Variants in MEIS2 observed in about 807,000 individuals in gnomAD.
MEIS2 encodes the protein homeobox protein Meis2.
In MEIS2, 9 loss-of-function variants were observed where a neutral mutation model predicts 58.6. That is an observed-to-expected ratio of 0.15 (90% CI 0.09 to 0.27). The LOEUF (loss-of-function observed/expected upper bound fraction) is 0.27. Among genes scored for constraint, MEIS2 ranks in the 10% least tolerant of loss-of-function variants. The probability of loss-of-function intolerance (pLI) is 1.00; values close to 1 mark genes in which losing one functional copy is unlikely to be tolerated. For missense variants in MEIS2, 427 were observed against 635.0 expected, an observed-to-expected ratio of 0.67 and a Z score of 3.52; for synonymous variants, 221 against 228.4, an observed-to-expected ratio of 0.97 and a Z score of 0.29.
intron 8 of MEIS2, among the ~76,000 whole-genome samples, chr15:37,023,302 A>G (rs539594417): frequency 1.3e-5 from 2 of 152,050 alleles, no homozygotes; most frequent in Non-Finnish European, 2.9e-5. Flanking sequence ...AAAATTAGTA[A>G]ATTTCTTTCT....
At chr15:36,953,527 A>T (rs2058838610) in intron 8 of MEIS2, among the ~76,000 whole-genome samples, 1 of 152,194 alleles carries the variant, frequency 6.6e-6, no homozygotes, top group Non-Finnish European at 1.5e-5. Context: ...AGGTGGCTCA[A>T]CTTACTCATA....
chr15:37,031,731 G>T (rs1445069527), intron 8 of MEIS2, among the ~76,000 whole-genome samples: 1 of 151,740 alleles, frequency 6.6e-6, no homozygotes, highest in Non-Finnish European at 1.5e-5. Flanking sequence ...ATGAAGAGGG[G>T]ACAAAGCATT....
intron 7 of MEIS2, among the ~76,000 whole-genome samples, chr15:37,054,557 C>A (rs1172786731): frequency 6.6e-6 from 1 of 152,202 alleles, no homozygotes; most frequent in South Asian, 2.1e-4. Context: ...GCTGGGACTA[C>A]AGGCATGTGC....
chr15:37,002,835 C>T (rs2060781766), intron 8 of MEIS2, among the ~76,000 whole-genome samples: 1 of 152,060 alleles, frequency 6.6e-6, no homozygotes, highest in African/African-American at 2.4e-5. Context: ...GGAGTGAAAA[C>T]TAAAGTTTTT....
chr15:36,930,003 G>C (rs2057907774), intron 9 of MEIS2, among the ~76,000 whole-genome samples: 4 of 151,966 alleles, frequency 2.6e-5, no homozygotes, highest in Admixed American at 6.6e-5. Context: ...AGGAGTTCGA[G>C]ACCAGCCTGG....
At chr15:37,060,531 A>G (rs1444106590) in intron 7 of MEIS2, among the ~76,000 whole-genome samples, 5 of 152,154 alleles carry the variant, frequency 3.3e-5, no homozygotes, top group Admixed American at 2.6e-4. Flanking sequence ...GTAACCCCTG[A>G]ACGTGTGCTC....
At chr15:37,039,584 G>A (rs762336299) in intron 7 of MEIS2, among the ~76,000 whole-genome samples, 2 of 152,158 alleles carry the variant, frequency 1.3e-5, no homozygotes, top group Non-Finnish European at 2.9e-5. Context: ...AAGAGGGCTG[G>A]TAACACCTTC....
intron 5 of MEIS2, 24 bp downstream of exon 5, chr15:37,094,503 C>T: frequency 2.5e-6 from 4 of 1,609,638 alleles, no homozygotes; most frequent in Non-Finnish European, 3.4e-6. Flanking sequence ...TTAATCAACA[C>T]GGGGAGCGTT....
intron 8 of MEIS2, among the ~76,000 whole-genome samples, chr15:36,963,318 TGCAGTGAGCC>T (rs2059250016): frequency 6.6e-6 from 1 of 151,628 alleles, no homozygotes; most frequent in Non-Finnish European, 1.5e-5. Context: ...ACGCAGAGTT[TGCAGTGAGCC>T]GCGATTGCGC....
rs2063080395 is a variant in MEIS2 at position 37,055,043 on chromosome 15, T to C, written c.755-18084A>G. On this transcript the variant is annotated intron_variant, in intron 7 of 11. Transcript: ENST00000561208. ...TTTTCCACATGAAGAAACTAAGGCT[T>C]AGAGAGGTGGAGCAATTTGCCCAAG... Among the ~76,000 whole-genome samples, 3 of 152,272 alleles carry C rather than the reference T, an allele frequency of 2.0e-5. No individual in the cohort carries two copies. In the South Asian group the frequency reaches 6.2e-4, roughly 32 times the overall value.
intron 8 of MEIS2, among the ~76,000 whole-genome samples, chr15:36,971,970 G>A (rs1161731046): frequency 6.6e-6 from 1 of 152,162 alleles, no homozygotes; most frequent in Non-Finnish European, 1.5e-5. Context: ...ATGTCCAAGT[G>A]TGGAGCAACA....
At chr15:36,986,722 C>G (rs1169342934) in intron 8 of MEIS2, among the ~76,000 whole-genome samples, 4 of 152,186 alleles carry the variant, frequency 2.6e-5, no homozygotes, top group African/African-American at 9.7e-5. Context: ...TGACCCCCAC[C>G]TTTTCCTTTT....
chr15:37,072,154 C>T (rs188708982), intron 7 of MEIS2, among the ~76,000 whole-genome samples: 10 of 152,224 alleles, frequency 6.6e-5, no homozygotes, highest in African/African-American at 2.2e-4. Flanking sequence ...TTCTTTCTCT[C>T]AAATGTATTC....
At chr15:37,093,872 T>C in intron 5 of MEIS2, 142 bp from the exon 6 acceptor site, 4 of 1,013,860 alleles carry the variant, frequency 3.9e-6, no homozygotes, top group Non-Finnish European at 5.9e-6. Flanking sequence ...CTAACTCTAA[T>C]TAAAGGGTGT....
At position 37,099,517 on chromosome 15, in the gene MEIS2, G is replaced by A. The variant is rs1894847768; in HGVS notation, c.-51C>T. 1 of 1,611,646 alleles carries A rather than the reference G, an allele frequency of 6.2e-7. No individual in the cohort carries two copies. Among genetic ancestry groups the A allele is most frequent in the Non-Finnish European group, 8.5e-7 (1 of 1,179,164 alleles). Reference sequence around the variant, plus strand: ...GATGTGTCGTATATTTAATATCCCAGTCCGGATAAGAAAGTGATCTAGGCT... The same window carrying A: ...GATGTGTCGTATATTTAATATCCCAATCCGGATAAGAAAGTGATCTAGGCT... On this transcript the variant is annotated 5_prime_UTR_variant, in exon 1 of 12. Transcript: ENST00000561208.
At chr15:37,042,692 T>G (rs1412877256) in intron 7 of MEIS2, among the ~76,000 whole-genome samples, 1 of 152,218 alleles carries the variant, frequency 6.6e-6, no homozygotes, top group Non-Finnish European at 1.5e-5. Context: ...GACCCTGGGG[T>G]TGGGACTGAG....
intron 8 of MEIS2, among the ~76,000 whole-genome samples, chr15:36,992,967 T>C (rs1002547080): frequency 6.6e-6 from 1 of 152,178 alleles, no homozygotes; most frequent in African/African-American, 2.4e-5. Flanking sequence ...GCTAAAACTA[T>C]GAGTCTTCCT....
chr15:37,017,025 T>C (rs888918811), intron 8 of MEIS2, among the ~76,000 whole-genome samples: 10 of 152,364 alleles, frequency 6.6e-5, no homozygotes, highest in Non-Finnish European at 7.3e-5. Flanking sequence ...ATTTCTAATT[T>C]GTGCTAACTG....
intron 8 of MEIS2, among the ~76,000 whole-genome samples, chr15:36,968,607 AC>A (rs2059431299): frequency 6.6e-6 from 1 of 152,206 alleles, no homozygotes; most frequent in Non-Finnish European, 1.5e-5. Flanking sequence ...CTTCAGCAAA[AC>A]TAGAGAATTC....
Sources: allele counts gnomAD v4.1 joint callset (sites outside exome capture counted in the v4.1 genomes callset), GRCh38; gene constraint gnomAD v4.1.1; transcripts MANE v1.5; gene names NCBI Gene and HGNC (gene_info 2026-07-23, HGNC 2026-07-21).